The following ETS1 variants were observed in gnomAD, a reference collection of about 807,000 sequenced individuals.
ETS1 encodes the protein ETS proto-oncogene 1, transcription factor, also known as protein C-ets-1.
Under a neutral mutation model 58.6 loss-of-function variants are expected in ETS1, and 15 were observed. The observed-to-expected ratio is 0.26, with a 90% CI of 0.17 to 0.39. The LOEUF is 0.39. Among genes scored for constraint, ETS1 ranks in the 10% least tolerant of loss-of-function variants. The pLI, the probability that ETS1 is intolerant of heterozygous loss-of-function variation, is 1.00. For missense variants in ETS1, 417 were observed against 610.5 expected (o/e 0.68, Z 3.34); for synonymous variants, 214 against 218.2 (o/e 0.98, Z 0.17).
chr11:128,478,773 G>A (rs949272503), intron 8 of ETS1, among the ~76,000 whole-genome samples: 11 of 152,156 alleles, frequency 7.2e-5, no homozygotes, highest in African/African-American at 2.7e-4. Context: ...TCCTGAGAGT[G>A]ACTTAATACA....
In ETS1 at chr11:128,534,760, TC is replaced by T. The variant is rs1863948427; in HGVS notation, c.214+21530del. On this transcript the variant is annotated intron_variant, in intron 3 of 9. Coordinates refer to ENST00000392668, the MANE Select transcript of ETS1 (RefSeq NM_001143820.2). ...GTCCCTACAAAGGACATGATCTTGT[TC>T]TTTTTTATAGCTGCATAGTATTCCA... 3.3e-5 allele frequency among the ~76,000 whole-genome samples: 5 copies of T among 152,220 alleles called. No individual in the cohort carries two copies. The South Asian group carries it at 1.0e-3, about 32-fold the overall frequency.
chr11:128,578,756 G>C (rs1207153047), intron 1 of ETS1, among the ~76,000 whole-genome samples: 1 of 152,096 alleles, frequency 6.6e-6, no homozygotes, highest in Non-Finnish European at 1.5e-5. Flanking sequence ...TTTGTTCACT[G>C]ACATTTAACA....
rs187438928 is a variant in ETS1 at position 128,528,020 on chromosome 11, G to C, written c.214+28271C>G. Among the ~76,000 whole-genome samples the C allele has an allele frequency of 9.4e-4, 143 of 152,270 alleles. 2 individuals carry two copies. The highest frequency in any genetic ancestry group is 1.1e-3 in the Non-Finnish European group (78 of 68,028). ...ACAAAAAGGAGAAATAGCCCTGAAAGGAAAAGGGACGGTGGTACAGGAGGA... is the reference window on the plus strand; with the variant it reads ...ACAAAAAGGAGAAATAGCCCTGAAACGAAAAGGGACGGTGGTACAGGAGGA... On this transcript the variant is annotated intron_variant, in intron 3 of 9. Transcript: ENST00000392668.
At position 128,489,418 on chromosome 11, in the gene ETS1, C is replaced by A; in HGVS notation, c.407G>T (p.Gly136Val). Residue 136 changes from glycine (G) to valine (V), a missense_variant, in exon 5 of 10, where the codon GGT becomes GTT. Around this residue, in one of 4 missense-constraint regions of ETS1, gnomAD observed 132 missense variants for 212.1 expected, o/e 0.62. Coordinates refer to ENST00000392668, the MANE Select transcript of ETS1 (RefSeq NM_001143820.2). ...MWAVNEFSLK[G>V]VDFQKFCMNG... Reference sequence around the variant, plus strand: ...CATACAGAACTTCTGGAAGTCTACACCTTTCAGGCTGAATTCATTCACAGC... The same window carrying A: ...CATACAGAACTTCTGGAAGTCTACAACTTTCAGGCTGAATTCATTCACAGC... The A allele has an allele frequency of 6.2e-7, 1 of 1,614,134 alleles. No individual in the cohort carries two copies. Among genetic ancestry groups the A allele is most frequent in the Non-Finnish European group, 8.5e-7 (1 of 1,179,992 alleles).
At chr11:128,551,739 G>C (rs899641027) in intron 3 of ETS1, among the ~76,000 whole-genome samples, 3 of 152,092 alleles carry the variant, frequency 2.0e-5, no homozygotes, top group Non-Finnish European at 4.4e-5. Context: ...GTCACTCTCT[G>C]ACTCAATGAA....
At chr11:128,527,562 T>C (rs569175247) in intron 3 of ETS1, 1 of 153,362 alleles carries the variant, frequency 6.5e-6, no homozygotes, top group Non-Finnish European at 1.5e-5. Flanking sequence ...GGGGATCATG[T>C]AATTGGGATT....
chr11:128,513,971 G>A (rs920434847), intron 3 of ETS1, among the ~76,000 whole-genome samples: 2 of 152,120 alleles, frequency 1.3e-5, no homozygotes, highest in South Asian at 2.1e-4. Flanking sequence ...AACTCTAAAC[G>A]CATCACACAA....
intron 2 of ETS1, among the ~76,000 whole-genome samples, chr11:128,560,207 G>T (rs1179246461): frequency 1.3e-5 from 2 of 152,072 alleles, no homozygotes; most frequent in African/African-American, 4.8e-5. Flanking sequence ...CCGCCTCCTG[G>T]CATCAAGTGA....
At chr11:128,516,459 C>T (rs1017063817) in intron 3 of ETS1, among the ~76,000 whole-genome samples, 2 of 152,086 alleles carry the variant, frequency 1.3e-5, no homozygotes, top group African/African-American at 4.8e-5. Flanking sequence ...AATAAAAACA[C>T]GGAGATGATG....
chr11:128,496,939 G>A (rs552866686), intron 3 of ETS1, among the ~76,000 whole-genome samples: 1 of 152,196 alleles, frequency 6.6e-6, no homozygotes, highest in South Asian at 2.1e-4. Context: ...CAGGACTCTT[G>A]GCTCCAGCAA....
chr11:128,480,068 T>TC, intron 8 of ETS1, 123 bp downstream of exon 8: 1 of 1,287,430 alleles, frequency 7.8e-7, no homozygotes, highest in South Asian at 1.5e-5. Flanking sequence ...GAGAGACTTC[T>TC]CCCCCGTGCC....
At chr11:128,539,531 C>A (rs1410204890) in intron 3 of ETS1, among the ~76,000 whole-genome samples, 9 of 152,138 alleles carry the variant, frequency 5.9e-5, no homozygotes, top group South Asian at 2.1e-4. Context: ...TAAATTGGAA[C>A]CCTCTTACAT....
intron 3 of ETS1, among the ~76,000 whole-genome samples, chr11:128,524,599 A>C (rs1863764437): frequency 1.3e-5 from 2 of 152,316 alleles, no homozygotes; most frequent in African/African-American, 4.8e-5. Flanking sequence ...AATGTTGATA[A>C]ATGAAATTTT....
chr11:128,532,768 A>G (rs1354869439), intron 3 of ETS1, among the ~76,000 whole-genome samples: 1 of 152,026 alleles, frequency 6.6e-6, no homozygotes, highest in Non-Finnish European at 1.5e-5. Context: ...AGCTCTGTCT[A>G]AAATTATTAG....
intron 3 of ETS1, among the ~76,000 whole-genome samples, chr11:128,523,715 C>T (rs552082670): frequency 6.6e-6 from 1 of 152,306 alleles, no homozygotes; most frequent in South Asian, 2.1e-4. Flanking sequence ...TAAATCCCTC[C>T]TTAGTGACCA....
intron 7 of ETS1, among the ~76,000 whole-genome samples, chr11:128,482,906 C>G (rs1022815450): frequency 1.3e-5 from 2 of 152,182 alleles, no homozygotes; most frequent in Non-Finnish European, 2.9e-5. Context: ...TAGACTCGTA[C>G]AAAGACAGTC....
At chr11:128,546,391 C>G (rs373304840) in intron 3 of ETS1, among the ~76,000 whole-genome samples, 3 of 152,194 alleles carry the variant, frequency 2.0e-5, no homozygotes, top group Admixed American at 2.0e-4. Flanking sequence ...TATACAGTCT[C>G]TTGGCCATGA....
intron 3 of ETS1, chr11:128,522,051 T>C: frequency 6.6e-7 from 1 of 1,510,398 alleles, no homozygotes; most frequent in Non-Finnish European, 8.9e-7. Context: ...ACTGTTGTTT[T>C]TCTTTTTAAT....
chr11:128,479,782 G>C (rs958143705), intron 8 of ETS1, among the ~76,000 whole-genome samples: 5 of 152,086 alleles, frequency 3.3e-5, no homozygotes, highest in African/African-American at 1.2e-4. Flanking sequence ...AGGCCATTCA[G>C]TTGTGCCTTT....
Sources: allele counts gnomAD v4.1 joint callset (sites outside exome capture counted in the v4.1 genomes callset), GRCh38; gene constraint gnomAD v4.1.1; regional missense constraint gnomAD v4.1.1; transcripts MANE v1.5; gene names NCBI Gene and HGNC (gene_info 2026-07-23, HGNC 2026-07-21).